The following NAV2 variants were observed in gnomAD, a reference collection of about 807,000 sequenced individuals.
NAV2 encodes neuron navigator 2.
A neutral mutation model predicts 223.2 loss-of-function variants in NAV2; 54 were observed. The observed-to-expected ratio is 0.24, with a 90% CI of 0.19 to 0.30. The LOEUF (loss-of-function observed/expected upper bound fraction) is 0.30. Among genes scored for constraint, NAV2 ranks in the 10% least tolerant of loss-of-function variants. The pLI is 1.00. For missense variants in NAV2, 2,806 were observed against 3,147.5 expected, an observed-to-expected ratio of 0.89 and a Z score of 2.60; for synonymous variants, 1,279 against 1,239.3, an observed-to-expected ratio of 1.03 and a Z score of -0.67.
chr11:19,945,372 C>T (rs114817298), intron 8 of NAV2, among the ~76,000 whole-genome samples: 2,272 of 150,236 alleles, frequency 0.015, 55 homozygotes, highest in African/African-American at 0.053. Flanking sequence ...CTTCCTTTCC[C>T]TGCCTTTCTC....
At chr11:19,584,591 T>C (rs1337635100) in intron 1 of NAV2, among the ~76,000 whole-genome samples, 2 of 152,250 alleles carry the variant, frequency 1.3e-5, no homozygotes, top group Admixed American at 1.3e-4. Flanking sequence ...TTTGTTCTCA[T>C]TGGTTTCAAA....
chr11:19,422,042 A>G (rs961860850), intron 1 of NAV2, among the ~76,000 whole-genome samples: 1 of 152,156 alleles, frequency 6.6e-6, no homozygotes, highest in African/African-American at 2.4e-5. Flanking sequence ...CTTAGAAGAG[A>G]TGTTCAAGCC....
chr11:19,812,261 C>A (rs1363719967), intron 1 of NAV2, among the ~76,000 whole-genome samples: 1 of 151,978 alleles, frequency 6.6e-6, no homozygotes, highest in Non-Finnish European at 1.5e-5. Context: ...ACCCCCTGAG[C>A]CTTTGCATGG....
At chr11:19,535,199 A>G (rs1276510371) in intron 1 of NAV2, among the ~76,000 whole-genome samples, 2 of 152,192 alleles carry the variant, frequency 1.3e-5, no homozygotes, top group African/African-American at 4.8e-5. Context: ...GAACCAGGGA[A>G]AACAGGAAGC....
At chr11:19,364,965 C>G (rs1854180677) in intron 1 of NAV2, among the ~76,000 whole-genome samples, 1 of 152,218 alleles carries the variant, frequency 6.6e-6, no homozygotes, top group Non-Finnish European at 1.5e-5. Flanking sequence ...GTAGGAAGAT[C>G]TCTGGGAAAA....
At chr11:19,945,117 CTTTCTT>C (rs756205319) in intron 8 of NAV2, among the ~76,000 whole-genome samples, 27 of 116,814 alleles carry the variant, frequency 2.3e-4, no homozygotes, top group East Asian at 4.9e-4. Flanking sequence ...CTTTTTTTCT[CTTTCTT>C]TCTTTCTTTC....
At chr11:19,748,348 C>T (rs1047577192) in intron 1 of NAV2, among the ~76,000 whole-genome samples, 2 of 152,162 alleles carry the variant, frequency 1.3e-5, no homozygotes, top group African/African-American at 2.4e-5. Flanking sequence ...GATGTGAAGG[C>T]ACAAGAGACC....
chr11:19,597,659 G>C (rs1336892711), intron 1 of NAV2, among the ~76,000 whole-genome samples: 1 of 152,228 alleles, frequency 6.6e-6, no homozygotes, highest in South Asian at 2.1e-4. Context: ...GTCCCAATTA[G>C]TTGCTTGTTA....
At chr11:19,662,873 A>T (rs2048324079) in intron 1 of NAV2, among the ~76,000 whole-genome samples, 1 of 152,124 alleles carries the variant, frequency 6.6e-6, no homozygotes, top group Admixed American at 6.5e-5. Context: ...TGGACATGGG[A>T]CCCAGATGAT....
intron 1 of NAV2, among the ~76,000 whole-genome samples, chr11:19,356,815 T>C (rs1008647509): frequency 2.6e-5 from 4 of 152,198 alleles, no homozygotes; most frequent in Non-Finnish European, 2.9e-5. Context: ...CAGAAATGAA[T>C]GCTGATATTT....
intron 1 of NAV2, among the ~76,000 whole-genome samples, chr11:19,547,552 G>A (rs907461113): frequency 6.6e-5 from 10 of 152,134 alleles, no homozygotes; most frequent in African/African-American, 2.4e-4. Flanking sequence ...ATCAGGCAGA[G>A]AGGGAGCTGC....
chr11:19,684,657 C>G (rs1339671369), intron 1 of NAV2, among the ~76,000 whole-genome samples: 2 of 152,056 alleles, frequency 1.3e-5, no homozygotes, highest in Non-Finnish European at 2.9e-5. Context: ...TCACTCAAGG[C>G]CCCCCCACAC....
intron 18 of NAV2, among the ~76,000 whole-genome samples, chr11:20,055,281 G>C (rs984214676): frequency 6.6e-6 from 1 of 152,124 alleles, no homozygotes; most frequent in Non-Finnish European, 1.5e-5. Context: ...TACCTTCCTT[G>C]CATTGAAACT....
At chr11:19,692,421 C>T (rs1346995446) in intron 1 of NAV2, among the ~76,000 whole-genome samples, 1 of 152,242 alleles carries the variant, frequency 6.6e-6, no homozygotes, top group Non-Finnish European at 1.5e-5. Context: ...CTACCTAATG[C>T]TAAACATATG....
At chr11:19,743,289 A>T (rs2053015210) in intron 1 of NAV2, among the ~76,000 whole-genome samples, 1 of 152,224 alleles carries the variant, frequency 6.6e-6, no homozygotes, top group South Asian at 2.1e-4. Context: ...TGAGGCCAGT[A>T]CTTCTGAACT....
intron 1 of NAV2, among the ~76,000 whole-genome samples, chr11:19,610,464 A>G (rs1300761264): frequency 6.6e-6 from 1 of 152,228 alleles, no homozygotes; most frequent in East Asian, 1.9e-4. Flanking sequence ...CTTTCTATAC[A>G]ATGAATTCCC....
intron 1 of NAV2, among the ~76,000 whole-genome samples, chr11:19,620,647 A>G (rs2046962790): frequency 6.6e-6 from 1 of 152,226 alleles, no homozygotes; most frequent in Admixed American, 6.5e-5. Context: ...TTATCAGCTT[A>G]ACGAGATTTA....
chr11:19,527,317 G>A (rs566943856), intron 1 of NAV2, among the ~76,000 whole-genome samples: 6 of 152,204 alleles, frequency 3.9e-5, no homozygotes, highest in African/African-American at 1.4e-4. Flanking sequence ...CTTCTGTCAC[G>A]ATTATGAGGC....
intron 22 of NAV2, among the ~76,000 whole-genome samples, chr11:20,072,608 C>T (rs1002690815): frequency 6.6e-6 from 1 of 152,168 alleles, no homozygotes. Context: ...TCTCTTATTT[C>T]CTTGAGCAGT....
Sources: gnomAD v4.1 joint callset for allele counts (sites outside exome capture counted in the v4.1 genomes callset) on GRCh38, gnomAD v4.1.1 for gene constraint, MANE v1.5 for transcripts, NCBI Gene and HGNC (gene_info 2026-07-23, HGNC 2026-07-21) for gene names.